ST8SIA2: variants seen among roughly 807,000 people sequenced by gnomAD.
The protein encoded by ST8SIA2 is alpha-2,8-sialyltransferase 8B.
In ST8SIA2, 22 loss-of-function variants were observed where a neutral mutation model predicts 37.6. The observed-to-expected ratio is 0.58, with a 90% CI of 0.42 to 0.83. The LOEUF (loss-of-function observed/expected upper bound fraction) is 0.83. Ranked by LOEUF, ST8SIA2 falls within the 40% of genes least tolerant of loss-of-function variation. The pLI is 0.00. For synonymous variants in ST8SIA2, 205 were observed against 201.2 expected (o/e 1.02, Z -0.16); for missense variants, 382 against 484.7 (o/e 0.79, Z 1.99).
intron 2 of ST8SIA2, among the ~76,000 whole-genome samples, chr15:92,433,379 C>T (rs1050830643): frequency 1.3e-5 from 2 of 152,174 alleles, no homozygotes; most frequent in Non-Finnish European, 2.9e-5. Context: ...AGCAGCAAGG[C>T]GGCTAACTCT....
At chr15:92,395,063 C>T (rs1008357160) in intron 1 of ST8SIA2, among the ~76,000 whole-genome samples, 2 of 152,140 alleles carry the variant, frequency 1.3e-5, no homozygotes, top group African/African-American at 2.4e-5. Context: ...GGGGCTGAGA[C>T]TCGCGCCCCG....
At position 92,449,831 on chromosome 15, in the gene ST8SIA2, C is replaced by T. The variant is rs78882507; in HGVS notation, c.842+4902C>T. Among the ~76,000 whole-genome samples, 1,458 of 152,130 alleles carry T rather than the reference C, an allele frequency of 9.6e-3. 19 individuals carry two copies. Among genetic ancestry groups the T allele is most frequent in the African/African-American group, 0.033 (1,386 of 41,506 alleles). On this transcript the variant is annotated intron_variant, in intron 5 of 5. Coordinates refer to ENST00000268164, the MANE Select transcript of ST8SIA2 (RefSeq NM_006011.4). ...AGAAGTGGCTGTTCATGTCTTTTGC[C>T]GATTTTTTAATGGGGTTGTCTTTTG...
chr15:92,434,743 T>A (rs1282366064), intron 3 of ST8SIA2, among the ~76,000 whole-genome samples: 1 of 152,160 alleles, frequency 6.6e-6, no homozygotes, highest in East Asian at 1.9e-4. Flanking sequence ...GGGAGTCACA[T>A]CCCCTTTCAG....
At chr15:92,409,751 A>T (rs899386768) in intron 1 of ST8SIA2, among the ~76,000 whole-genome samples, 2 of 152,228 alleles carry the variant, frequency 1.3e-5, no homozygotes, top group Admixed American at 6.5e-5. Context: ...AGGCACTCAC[A>T]GTGCCCCTGG....
intron 5 of ST8SIA2, among the ~76,000 whole-genome samples, chr15:92,462,443 C>G (rs1300274606): frequency 6.6e-6 from 1 of 152,142 alleles, no homozygotes; most frequent in Non-Finnish European, 1.5e-5. Context: ...GCAAAAGGAA[C>G]AATTTTGCAA....
chr15:92,448,614 G>A (rs889824583), intron 5 of ST8SIA2, among the ~76,000 whole-genome samples: 18 of 152,276 alleles, frequency 1.2e-4, no homozygotes, highest in South Asian at 2.1e-4. Flanking sequence ...CCAGAGCCCC[G>A]CAGAAGACAC....
At chr15:92,394,604 C>G (rs1443670583) in intron 1 of ST8SIA2, among the ~76,000 whole-genome samples, 2 of 152,052 alleles carry the variant, frequency 1.3e-5, no homozygotes, top group Non-Finnish European at 2.9e-5. Flanking sequence ...GCGCAGGGAT[C>G]TCTGAGCTGG....
rs1192727406 is a variant in ST8SIA2, at chr15:92,437,776, T to C, written c.291-577T>C. Reference sequence around the variant, plus strand: ...GGTAAGGAGTGAGAGGCGCCTGTCATCTGGCTTTCTGCTCCTAGACAAATT... The same window carrying C: ...GGTAAGGAGTGAGAGGCGCCTGTCACCTGGCTTTCTGCTCCTAGACAAATT... On this transcript the variant is annotated intron_variant, in intron 3 of 5. Coordinates refer to ENST00000268164, the MANE Select transcript of ST8SIA2 (RefSeq NM_006011.4). Among the ~76,000 whole-genome samples the C allele has an allele frequency of 3.3e-5, 5 of 152,190 alleles. No homozygotes were observed. In the South Asian group the frequency reaches 6.2e-4, roughly 19 times the overall value.
Position 92,424,636 on chromosome 15 carries a change from CAG to C in ST8SIA2, c.99-5410_99-5409del, listed in dbSNP as rs373079641. 4.7e-3 allele frequency among the ~76,000 whole-genome samples: 681 copies of C among 145,204 alleles called. 5 individuals carry two copies. The highest frequency in any genetic ancestry group is 0.016 in the African/African-American group (604 of 38,910). ...ACATTCTTTTTTTTTTTTTTTGAGA[CAG>C]AGTCTTGCTCTGTCACCCAGGCTGG... On this transcript the variant is annotated intron_variant, in intron 1 of 5. Transcript: ENST00000268164.
At chr15:92,394,878 C>G (rs1410746911) in intron 1 of ST8SIA2, among the ~76,000 whole-genome samples, 3 of 152,208 alleles carry the variant, frequency 2.0e-5, no homozygotes, top group African/African-American at 7.2e-5. Context: ...GGAGACATTT[C>G]GGGAAAGTCT....
intron 5 of ST8SIA2, among the ~76,000 whole-genome samples, chr15:92,455,058 C>T (rs1435642962): frequency 6.6e-6 from 1 of 152,108 alleles, no homozygotes; most frequent in Non-Finnish European, 1.5e-5. Flanking sequence ...GTCAGCAAAG[C>T]CAGCCCTGCT....
At chr15:92,431,716 G>A (rs1190156046) in intron 2 of ST8SIA2, among the ~76,000 whole-genome samples, 1 of 152,184 alleles carries the variant, frequency 6.6e-6, no homozygotes, top group Non-Finnish European at 1.5e-5. Flanking sequence ...TGTAAAACCT[G>A]TGAACCGAGG....
chr15:92,446,075 A>G lies in ST8SIA2; in HGVS notation c.842+1146A>G, dbSNP rs2049840410. On this transcript the variant is annotated intron_variant, in intron 5 of 5. Transcript: ENST00000268164. ...GTGGCTTAAAAAAACAACAACATCC[A>G]TTTTATATTGTTTACAATTTCTGTT... is the stretch of plus-strand genomic sequence containing the variant. Among the ~76,000 whole-genome samples, 4 of 152,194 alleles carry G rather than the reference A, an allele frequency of 2.6e-5. No individual in the cohort carries two copies. The South Asian group carries it at 8.3e-4, about 32-fold the overall frequency.
At chr15:92,452,596 T>G (rs2049889493) in intron 5 of ST8SIA2, among the ~76,000 whole-genome samples, 1 of 152,164 alleles carries the variant, frequency 6.6e-6, no homozygotes, top group African/African-American at 2.4e-5. Flanking sequence ...TGATGAATGC[T>G]TAAAGATGGA....
At chr15:92,449,832 G>A (rs552002578) in intron 5 of ST8SIA2, among the ~76,000 whole-genome samples, 5 of 152,070 alleles carry the variant, frequency 3.3e-5, no homozygotes, top group Non-Finnish European at 5.9e-5. Context: ...GTCTTTTGCC[G>A]ATTTTTTAAT....
chr15:92,461,845 G>A (rs894268524), intron 5 of ST8SIA2, among the ~76,000 whole-genome samples: 5 of 152,220 alleles, frequency 3.3e-5, no homozygotes, highest in Admixed American at 6.5e-5. Flanking sequence ...TTCTGAGAGA[G>A]AGCACAGGGA....
chr15:92,453,734 G>A (rs747731208), intron 5 of ST8SIA2, among the ~76,000 whole-genome samples: 3 of 152,178 alleles, frequency 2.0e-5, no homozygotes, highest in African/African-American at 7.2e-5. Context: ...GAGAGAGAAG[G>A]TTCCAAGGAA....
chr15:92,460,500 T>G (rs2049950055), intron 5 of ST8SIA2, among the ~76,000 whole-genome samples: 1 of 152,242 alleles, frequency 6.6e-6, no homozygotes, highest in Non-Finnish European at 1.5e-5. Flanking sequence ...CATCAGCTGC[T>G]GCTCTTCTGA....
At chr15:92,446,798 C>G (rs1011966147) in intron 5 of ST8SIA2, among the ~76,000 whole-genome samples, 4 of 152,060 alleles carry the variant, frequency 2.6e-5, no homozygotes, top group Admixed American at 1.3e-4. Flanking sequence ...GTGGAGGGAA[C>G]CTTAAGTGCA....
Sources: gnomAD v4.1 joint callset for allele counts (sites outside exome capture counted in the v4.1 genomes callset) on GRCh38, gnomAD v4.1.1 for gene constraint, MANE v1.5 for transcripts, NCBI Gene and HGNC (gene_info 2026-07-23, HGNC 2026-07-21) for gene names.